The following APP variants were observed in gnomAD, a reference collection of about 807,000 sequenced individuals.
The protein encoded by APP is amyloid-beta precursor protein.
In APP, 31 loss-of-function variants were observed where a neutral mutation model predicts 101.4. The ratio of observed to expected loss-of-function variants is 0.31; its 90% CI spans 0.23 to 0.41. APP has a LOEUF of 0.41. APP is among the 10% of genes least tolerant of loss of function. The pLI is 1.00. For missense variants in APP, 839 were observed against 1,003.7 expected (o/e 0.84, Z 2.22); for synonymous variants, 366 against 364.4 (o/e 1.00, Z -0.05).
intron 13 of APP, among the ~76,000 whole-genome samples, chr21:25,938,219 T>C (rs2040433021): frequency 6.6e-6 from 1 of 152,212 alleles, no homozygotes; most frequent in South Asian, 2.1e-4. Context: ...AAACTCTCTA[T>C]GCATCTGAAC....
intron 3 of APP, among the ~76,000 whole-genome samples, chr21:26,083,949 T>G (rs1038471207): frequency 6.6e-6 from 1 of 152,096 alleles, no homozygotes; most frequent in Non-Finnish European, 1.5e-5. Flanking sequence ...ATCAAAACAT[T>G]AGTTGTTAAA....
At chr21:26,085,578 C>T (rs1033807786) in intron 3 of APP, among the ~76,000 whole-genome samples, 3 of 152,186 alleles carry the variant, frequency 2.0e-5, no homozygotes, top group African/African-American at 7.2e-5. Flanking sequence ...CCATCCTCAT[C>T]GCCATCTTTA....
At chr21:25,887,252 G>A (rs1043384856) in intron 17 of APP, among the ~76,000 whole-genome samples, 3 of 152,166 alleles carry the variant, frequency 2.0e-5, no homozygotes, top group Non-Finnish European at 2.9e-5. Context: ...AACAGATCCT[G>A]GGATTAGTGG....
chr21:26,130,024 T>G (rs1278270949), intron 1 of APP, among the ~76,000 whole-genome samples: 2 of 152,210 alleles, frequency 1.3e-5, no homozygotes, highest in Admixed American at 1.3e-4. Flanking sequence ...CCCAGAGAAC[T>G]TCACTATTTC....
At chr21:25,928,370 C>CAAACAAACAAAA (rs915161994) in intron 13 of APP, among the ~76,000 whole-genome samples, 28 of 151,420 alleles carry the variant, frequency 1.8e-4, no homozygotes, top group African/African-American at 6.1e-4. Context: ...AACAAACAAA[C>CAAACAAACAAAA]AAAAAAACCA....
chr21:26,032,588 G>A (rs999992918), intron 5 of APP, among the ~76,000 whole-genome samples: 1 of 152,032 alleles, frequency 6.6e-6, no homozygotes, highest in African/African-American at 2.4e-5. Flanking sequence ...CTCAGGGGAT[G>A]GTGTGAACAG....
chr21:26,136,632 T>C (rs2062924729), intron 1 of APP, among the ~76,000 whole-genome samples: 1 of 152,222 alleles, frequency 6.6e-6, no homozygotes, highest in South Asian at 2.1e-4. Context: ...CCTCATCTTT[T>C]TCTTTTCAGG....
At chr21:26,127,861 T>C (rs2830070) in intron 1 of APP, among the ~76,000 whole-genome samples, 14,019 of 152,190 alleles carry the variant, frequency 0.092, 890 homozygotes, top group Admixed American at 0.15. Flanking sequence ...AACTTGTATC[T>C]AGCAGGAAGA....
At chr21:26,052,369 G>A (rs773548677) in intron 4 of APP, among the ~76,000 whole-genome samples, 40 of 152,226 alleles carry the variant, frequency 2.6e-4, no homozygotes, top group Non-Finnish European at 4.9e-4. Flanking sequence ...GACATGTTCC[G>A]GTGAGGGACA....
chr21:26,022,800 T>G (rs745408401), intron 5 of APP, among the ~76,000 whole-genome samples: 1 of 152,210 alleles, frequency 6.6e-6, no homozygotes, highest in Non-Finnish European at 1.5e-5. Flanking sequence ...TGGAAATTGG[T>G]TTAAAAACTG....
chr21:26,036,980 G>T (rs979374602), intron 5 of APP, among the ~76,000 whole-genome samples: 1 of 151,988 alleles, frequency 6.6e-6, no homozygotes, highest in Non-Finnish European at 1.5e-5. Context: ...ATGTGTGTGT[G>T]TGTGTGTATG....
chr21:26,122,435 T>C (rs979042760), intron 1 of APP, among the ~76,000 whole-genome samples: 1 of 152,226 alleles, frequency 6.6e-6, no homozygotes, highest in African/African-American at 2.4e-5. Context: ...TCAATGTGCA[T>C]TAAAATCTCA....
rs377557872 is a variant in APP, at chr21:26,128,177, C to T, written c.58-16031G>A. Among the ~76,000 whole-genome samples the T allele has an allele frequency of 3.9e-5, 6 of 152,314 alleles. No homozygotes were observed. The South Asian group carries it at 1.0e-3, about 26-fold the overall frequency. On this transcript the variant is annotated intron_variant, in intron 1 of 17. Coordinates refer to ENST00000346798, the MANE Select transcript of APP (RefSeq NM_000484.4). ...ACAAACTGGTAACGACACTGCAACA[C>T]GTGTGTCGTCAACCCCAGCTACACG...
intron 2 of APP, among the ~76,000 whole-genome samples, chr21:26,099,755 T>C (rs1364922123): frequency 6.6e-6 from 1 of 152,218 alleles, no homozygotes; most frequent in Non-Finnish European, 1.5e-5. Context: ...GAAAACGTTC[T>C]CTGCTTGCAA....
intron 6 of APP, among the ~76,000 whole-genome samples, chr21:26,016,580 T>C (rs2044072203): frequency 6.6e-6 from 1 of 152,116 alleles, no homozygotes; most frequent in African/African-American, 2.4e-5. Flanking sequence ...ATTTATTTTA[T>C]TCTTTTTTTG....
intron 3 of APP, among the ~76,000 whole-genome samples, chr21:26,078,841 C>T (rs1008110666): frequency 3.9e-5 from 6 of 152,074 alleles, no homozygotes; most frequent in Admixed American, 2.0e-4. Flanking sequence ...GTCGGGAGCT[C>T]GAGACCAGCC....
chr21:25,943,434 G>A (rs2040664306), intron 13 of APP, among the ~76,000 whole-genome samples: 1 of 438 alleles, frequency 2.3e-3, no homozygotes, highest in Non-Finnish European at 0.011. Flanking sequence ...TTACAGGCGT[G>A]AGCACCGCAC....
chr21:25,946,772 C>T (rs2040841539), intron 13 of APP, among the ~76,000 whole-genome samples: 1 of 152,136 alleles, frequency 6.6e-6, no homozygotes, highest in South Asian at 2.1e-4. Context: ...TTTATTTGAA[C>T]TGAACAAAAT....
chr21:26,024,430 A>T (rs2044480365), intron 5 of APP, among the ~76,000 whole-genome samples: 1 of 152,196 alleles, frequency 6.6e-6, no homozygotes, highest in African/African-American at 2.4e-5. Flanking sequence ...TTGTAGCCAC[A>T]GGAAGCCTTG....
Sources: allele counts gnomAD v4.1 joint callset (sites outside exome capture counted in the v4.1 genomes callset), GRCh38; gene constraint gnomAD v4.1.1; transcripts MANE v1.5; gene names NCBI Gene and HGNC (gene_info 2026-07-23, HGNC 2026-07-21).